Variants in PITPNC1 observed in about 807,000 individuals in gnomAD.
PITPNC1 encodes the protein phosphatidylinositol transfer protein cytoplasmic 1.
In PITPNC1, 18 loss-of-function variants were observed where a neutral mutation model predicts 44.7. The ratio of observed to expected loss-of-function variants is 0.40; its 90% CI spans 0.28 to 0.60. The LOEUF (loss-of-function observed/expected upper bound fraction) is 0.60, where lower values mean the gene tolerates loss of function less well. Ranked by LOEUF, PITPNC1 falls within the 20% of genes least tolerant of loss-of-function variation. The pLI, the probability that PITPNC1 is intolerant of heterozygous loss-of-function variation, is 0.39. For synonymous variants in PITPNC1, 141 were observed against 149.6 expected, an observed-to-expected ratio of 0.94 and a Z score of 0.42; for missense variants, 290 against 418.4, an observed-to-expected ratio of 0.69 and a Z score of 2.68.
intron 4 of PITPNC1, among the ~76,000 whole-genome samples, chr17:67,555,799 A>G (rs1386571540): frequency 6.6e-6 from 1 of 152,132 alleles, no homozygotes. Context: ...AGCTGAGATC[A>G]CACCACTGCA....
chr17:67,612,845 G>C (rs1031256703), intron 5 of PITPNC1: 2 of 152,434 alleles, frequency 1.3e-5, no homozygotes, highest in Non-Finnish European at 2.9e-5. Context: ...GTGAGATACA[G>C]AGGCAGTGGA....
chr17:67,626,837 C>T (rs1177779754), intron 5 of PITPNC1, among the ~76,000 whole-genome samples: 2 of 151,010 alleles, frequency 1.3e-5, no homozygotes, highest in Non-Finnish European at 2.9e-5. Context: ...AAAAAAAAAC[C>T]TAAGATCAAT....
Position 67,578,267 on chromosome 17 carries a change from C to T in PITPNC1, c.366+10C>T, listed in dbSNP as rs2041177051. 2 of 1,590,968 alleles carry T rather than the reference C, an allele frequency of 1.3e-6. No individual in the cohort carries two copies. Among genetic ancestry groups the T allele is most frequent in the Admixed American group, 1.7e-5 (1 of 59,942 alleles). On this transcript the variant is annotated intron_variant, in intron 5 of 8. Transcript: ENST00000581322. ...AGGAAGCAATGACACCGTGAGTAGC[C>T]CCTCCTTCCATGCTGCGCTCGCCTC...
chr17:67,488,341 T>C (rs1568010506), intron 1 of PITPNC1, among the ~76,000 whole-genome samples: 3 of 152,272 alleles, frequency 2.0e-5, no homozygotes, highest in East Asian at 3.9e-4. Flanking sequence ...TGTTATATAA[T>C]GTGAACCCAG....
At chr17:67,645,298 G>T (rs949697054) in intron 6 of PITPNC1, among the ~76,000 whole-genome samples, 1 of 148,166 alleles carries the variant, frequency 6.7e-6, no homozygotes, top group Admixed American at 6.8e-5. Flanking sequence ...CCAAGATCGC[G>T]CCATTGCATT....
intron 1 of PITPNC1, among the ~76,000 whole-genome samples, chr17:67,494,185 T>TTCTTTCTTTTTCTTTC: frequency 5.9e-5 from 6 of 102,428 alleles, no homozygotes; most frequent in African/African-American, 1.9e-4. Flanking sequence ...CTTTCTTTCT[T>TTCTTTCTTTTTCTTTC]TTTCTTTCTT....
chr17:67,638,696 C>T (rs1437576593), intron 6 of PITPNC1: 2 of 152,158 alleles, frequency 1.3e-5, no homozygotes, highest in Admixed American at 1.3e-4. Flanking sequence ...CAGAGGTTCT[C>T]AACTACAGGC....
At chr17:67,395,464 G>C (rs1006873378) in intron 1 of PITPNC1, among the ~76,000 whole-genome samples, 1 of 152,064 alleles carries the variant, frequency 6.6e-6, no homozygotes, top group African/African-American at 2.4e-5. Context: ...AGGTAGTTTT[G>C]AAAACAGGGG....
intron 6 of PITPNC1, among the ~76,000 whole-genome samples, chr17:67,652,330 G>A (rs954228545): frequency 3.9e-5 from 6 of 152,136 alleles, no homozygotes; most frequent in Non-Finnish European, 7.3e-5. Flanking sequence ...AAACGAGGAC[G>A]CAGTTTTACA....
At chr17:67,453,141 T>C (rs1469002729) in intron 1 of PITPNC1, among the ~76,000 whole-genome samples, 1 of 152,156 alleles carries the variant, frequency 6.6e-6, no homozygotes, top group Non-Finnish European at 1.5e-5. Context: ...TGGAAAATGC[T>C]TAGGGTTTGT....
chr17:67,625,561 G>T (rs1329699578), intron 5 of PITPNC1, among the ~76,000 whole-genome samples: 5 of 152,118 alleles, frequency 3.3e-5, no homozygotes, highest in African/African-American at 1.2e-4. Flanking sequence ...GCTTAATTCT[G>T]GCTCCTGCCC....
intron 1 of PITPNC1, among the ~76,000 whole-genome samples, chr17:67,509,553 G>C (rs1229468030): frequency 7.1e-6 from 1 of 140,010 alleles, no homozygotes; most frequent in East Asian, 2.0e-4. Flanking sequence ...AAATTAAATT[G>C]AATTAAAAAT....
chr17:67,651,825 G>C (rs912062962), intron 6 of PITPNC1, among the ~76,000 whole-genome samples: 3 of 152,128 alleles, frequency 2.0e-5, no homozygotes, highest in African/African-American at 7.2e-5. Context: ...GGGACTAGCT[G>C]CTTTGAAAGC....
intron 5 of PITPNC1, among the ~76,000 whole-genome samples, chr17:67,582,619 A>G (rs1204069647): frequency 6.6e-6 from 1 of 152,080 alleles, no homozygotes; most frequent in Non-Finnish European, 1.5e-5. Context: ...ATGAGTAAAT[A>G]TCTTCCTTGT....
intron 6 of PITPNC1, among the ~76,000 whole-genome samples, chr17:67,648,890 G>GC (rs1211642492): frequency 1.3e-5 from 2 of 152,228 alleles, no homozygotes; most frequent in Non-Finnish European, 2.9e-5. Flanking sequence ...GCCCAGTGCA[G>GC]TGGCTCTAAT....
chr17:67,427,560 AGAGT>A (rs1357965097), intron 1 of PITPNC1, among the ~76,000 whole-genome samples: 2 of 152,130 alleles, frequency 1.3e-5, no homozygotes, highest in African/African-American at 4.8e-5. Context: ...ACTCCTCACA[AGAGT>A]GAGTGAGCTG....
chr17:67,445,333 G>C (rs1462969611), intron 1 of PITPNC1, among the ~76,000 whole-genome samples: 2 of 152,008 alleles, frequency 1.3e-5, no homozygotes, highest in African/African-American at 4.8e-5. Context: ...GGACAGAAAT[G>C]ATGGGAAAGG....
chr17:67,651,834 G>A (rs975053858), intron 6 of PITPNC1, among the ~76,000 whole-genome samples: 1 of 152,172 alleles, frequency 6.6e-6, no homozygotes, highest in Admixed American at 6.5e-5. Flanking sequence ...TGCTTTGAAA[G>A]CTCCTTGGTT....
chr17:67,449,422 T>C (rs957400182), intron 1 of PITPNC1, among the ~76,000 whole-genome samples: 1 of 152,228 alleles, frequency 6.6e-6, no homozygotes, highest in Non-Finnish European at 1.5e-5. Flanking sequence ...TAATCACCTA[T>C]TTTGAAGCCT....
Sources: allele counts gnomAD v4.1 joint callset (sites outside exome capture counted in the v4.1 genomes callset), GRCh38; gene constraint gnomAD v4.1.1; transcripts MANE v1.5; gene names NCBI Gene and HGNC (gene_info 2026-07-23, HGNC 2026-07-21).